MYO3B: variants seen among roughly 807,000 people sequenced by gnomAD.
MYO3B encodes the protein myosin-IIIb.
A neutral mutation model predicts 174.6 loss-of-function variants in MYO3B; 156 were observed. The ratio of observed to expected loss-of-function variants is 0.89; its 90% confidence interval spans 0.78 to 1.02. The LOEUF (loss-of-function observed/expected upper bound fraction) is 1.02. Ranked by LOEUF, MYO3B falls within the 50% of genes least tolerant of loss-of-function variation. The pLI, the probability that MYO3B is intolerant of heterozygous loss-of-function variation, is 0.00. For synonymous variants in MYO3B, 563 were observed against 569.1 expected (o/e 0.99, Z 0.15); for missense variants, 1,632 against 1,639.4 (o/e 1.00, Z 0.08).
At chr2:170,514,043 G>A (rs1688141280) in intron 28 of MYO3B, among the ~76,000 whole-genome samples, 2 of 152,338 alleles carry the variant, frequency 1.3e-5, no homozygotes, top group South Asian at 4.1e-4. Flanking sequence ...AAGAGGCCAG[G>A]AAAAGAGGAG....
chr2:170,630,690 C>T (rs546778813), intron 32 of MYO3B, among the ~76,000 whole-genome samples: 5 of 152,300 alleles, frequency 3.3e-5, no homozygotes, highest in Non-Finnish European at 7.4e-5. Flanking sequence ...CCCTCTGAGA[C>T]GAAGCTTCAG....
At chr2:170,408,939 T>C (rs1198244363) in intron 22 of MYO3B, among the ~76,000 whole-genome samples, 1 of 152,060 alleles carries the variant, frequency 6.6e-6, no homozygotes, top group Non-Finnish European at 1.5e-5. Context: ...TTTAATTCAA[T>C]ATGGAATCCC....
intron 1 of MYO3B, among the ~76,000 whole-genome samples, chr2:170,183,473 C>G (rs1559280674): frequency 6.6e-6 from 1 of 152,124 alleles, no homozygotes; most frequent in East Asian, 1.9e-4. Context: ...TATTAAAATG[C>G]TATTTTCTTT....
At chr2:170,631,041 C>G (rs956943462) in intron 32 of MYO3B, among the ~76,000 whole-genome samples, 8 of 152,198 alleles carry the variant, frequency 5.3e-5, no homozygotes, top group African/African-American at 1.9e-4. Context: ...CAGAACAAAG[C>G]TGGACGGAGA....
intron 30 of MYO3B, among the ~76,000 whole-genome samples, chr2:170,531,702 C>A (rs1377290739): frequency 7.2e-5 from 11 of 151,978 alleles, no homozygotes. Flanking sequence ...CATCCAGTGC[C>A]AAACTATGAG....
intron 32 of MYO3B, among the ~76,000 whole-genome samples, chr2:170,567,774 C>A (rs1692165130): frequency 6.6e-6 from 1 of 152,170 alleles, no homozygotes; most frequent in South Asian, 2.1e-4. Flanking sequence ...TGGAGAGTAG[C>A]ATCTTAAGTA....
chr2:170,568,326 G>A (rs1204391791), intron 32 of MYO3B, among the ~76,000 whole-genome samples: 5 of 152,214 alleles, frequency 3.3e-5, no homozygotes, highest in African/African-American at 9.6e-5. Context: ...ATGGAAGAAG[G>A]CCAGTGATGG....
In MYO3B at chr2:170,490,028, C is replaced by CTTTTTTTTTTTTTTTTTTTT. The variant is rs751661221; in HGVS notation, c.3015-8561_3015-8560insTTTTTTTTTTTTTTTTTTTT. On this transcript the variant is annotated intron_variant, in intron 25 of 34. Transcript: ENST00000408978. ...TATTTTTTCATTTTCAGTTTCTTTT[C>CTTTTTTTTTTTTTTTTTTTT]TTTCTTTTTTTTTTTTTTGAGATGG... Among the ~76,000 whole-genome samples, 2 of 145,890 alleles carry CTTTTTTTTTTTTTTTTTTTT rather than the reference C, an allele frequency of 1.4e-5. 1 individual carries two copies. Among genetic ancestry groups the CTTTTTTTTTTTTTTTTTTTT allele is most frequent in the African/African-American group, 5.2e-5 (2 of 38,308 alleles).
chr2:170,423,077 G>A (rs2105862142), intron 22 of MYO3B, among the ~76,000 whole-genome samples: 1 of 139,430 alleles, frequency 7.2e-6, no homozygotes, highest in Non-Finnish European at 1.5e-5. Context: ...CGCCCCCCAG[G>A]TTCAAGTGAT....
At chr2:170,460,862 G>T (rs1230127023) in intron 23 of MYO3B, among the ~76,000 whole-genome samples, 1 of 152,158 alleles carries the variant, frequency 6.6e-6, no homozygotes, top group Non-Finnish European at 1.5e-5. Context: ...TATTTTATTT[G>T]TGCAGATTTA....
intron 32 of MYO3B, among the ~76,000 whole-genome samples, chr2:170,575,852 A>G (rs771112140): frequency 9.2e-5 from 14 of 152,216 alleles, no homozygotes; most frequent in Admixed American, 2.0e-4. Context: ...CGTAACTGGC[A>G]GGGACAGGTT....
At chr2:170,202,534 ATGGTCACATAAT>A (rs1283117049) in intron 3 of MYO3B, among the ~76,000 whole-genome samples, 2 of 152,220 alleles carry the variant, frequency 1.3e-5, no homozygotes, top group Admixed American at 1.3e-4. Context: ...TAACATGCCT[ATGGTCACATAAT>A]TGGTTGTATG....
At chr2:170,612,760 A>C (rs1307672665) in intron 32 of MYO3B, among the ~76,000 whole-genome samples, 1 of 152,186 alleles carries the variant, frequency 6.6e-6, no homozygotes, top group Non-Finnish European at 1.5e-5. Flanking sequence ...GGAGGAAGAG[A>C]CCATGCTTGT....
intron 7 of MYO3B, among the ~76,000 whole-genome samples, chr2:170,250,516 G>C (rs2093240102): frequency 6.6e-6 from 1 of 152,212 alleles, no homozygotes. Context: ...AGGAAGGGGG[G>C]CATGCAGATG....
At chr2:170,530,464 C>G (rs1314791009) in intron 30 of MYO3B, among the ~76,000 whole-genome samples, 1 of 152,146 alleles carries the variant, frequency 6.6e-6, no homozygotes, top group Non-Finnish European at 1.5e-5. Flanking sequence ...TTGCAAATAT[C>G]TTAATGGGAA....
chr2:170,497,236 C>T (rs1236130643), intron 25 of MYO3B, among the ~76,000 whole-genome samples: 1 of 146,006 alleles, frequency 6.8e-6, no homozygotes. Context: ...TAAATTTCCT[C>T]AGTTAATTAC....
chr2:170,621,795 C>A (rs996314706), intron 32 of MYO3B, among the ~76,000 whole-genome samples: 2 of 152,096 alleles, frequency 1.3e-5, no homozygotes, highest in Admixed American at 1.3e-4. Flanking sequence ...CACCGTGAGC[C>A]ACCAGGCATT....
chr2:170,497,572 C>T (rs570433622), intron 25 of MYO3B, among the ~76,000 whole-genome samples: 8 of 150,764 alleles, frequency 5.3e-5, no homozygotes, highest in Non-Finnish European at 1.2e-4. Context: ...GAGCTGAGAT[C>T]GCGCCACTGC....
intron 32 of MYO3B, among the ~76,000 whole-genome samples, chr2:170,546,562 G>A (rs1332210292): frequency 6.6e-6 from 1 of 152,208 alleles, no homozygotes; most frequent in East Asian, 1.9e-4. Context: ...GGCAGGAGAA[G>A]CAAAGGAAGT....
Sources: gnomAD v4.1 joint callset for allele counts (sites outside exome capture counted in the v4.1 genomes callset) on GRCh38, gnomAD v4.1.1 for gene constraint, MANE v1.5 for transcripts, NCBI Gene and HGNC (gene_info 2026-07-23, HGNC 2026-07-21) for gene names.